Variants in ASTN2 observed in about 807,000 individuals in gnomAD.
ASTN2 encodes the protein astrotactin-2.
A neutral mutation model predicts 139.8 loss-of-function variants in ASTN2; 54 were observed. That is an observed-to-expected ratio of 0.39 (90% CI 0.31 to 0.48). The LOEUF is 0.48. ASTN2 is among the 20% of genes least tolerant of loss of function. The pLI is 0.95. For missense variants in ASTN2, 1,565 were observed against 1,725.1 expected, an observed-to-expected ratio of 0.91 and a Z score of 1.64; for synonymous variants, 756 against 719.5, an observed-to-expected ratio of 1.05 and a Z score of -0.81.
chr9:116,817,580 GAA>G (rs977352817), intron 12 of ASTN2, among the ~76,000 whole-genome samples: 10 of 152,146 alleles, frequency 6.6e-5, no homozygotes, highest in African/African-American at 2.4e-4. Flanking sequence ...AATGAAACTG[GAA>G]AAGTCAGACT....
chr9:116,763,496 A>G (rs766578806), intron 13 of ASTN2, among the ~76,000 whole-genome samples: 35 of 152,166 alleles, frequency 2.3e-4, no homozygotes, highest in Non-Finnish European at 3.8e-4. Context: ...GGCCAAACCC[A>G]TCACTCAGAC....
chr9:117,122,778 A>G (rs774286314), intron 4 of ASTN2, among the ~76,000 whole-genome samples: 17 of 152,188 alleles, frequency 1.1e-4, no homozygotes, highest in Non-Finnish European at 2.2e-4. Flanking sequence ...AGGCAAACAG[A>G]GACACTGTGG....
At chr9:117,391,825 T>C (rs1159486848) in intron 1 of ASTN2, among the ~76,000 whole-genome samples, 1 of 152,136 alleles carries the variant, frequency 6.6e-6, no homozygotes, top group African/African-American at 2.4e-5. Context: ...AGTTACTTCC[T>C]AGATACAATA....
intron 1 of ASTN2, among the ~76,000 whole-genome samples, chr9:117,412,334 A>G (rs1285577950): frequency 6.6e-6 from 1 of 152,102 alleles, no homozygotes; most frequent in Admixed American, 6.5e-5. Context: ...GAGGGTCCCA[A>G]GCTGCCAGGC....
intron 20 of ASTN2, among the ~76,000 whole-genome samples, chr9:116,451,266 A>G (rs1848163927): frequency 6.6e-6 from 1 of 152,228 alleles, no homozygotes; most frequent in Non-Finnish European, 1.5e-5. Context: ...AGAACTCAGA[A>G]ATAATTATAG....
intron 10 of ASTN2, among the ~76,000 whole-genome samples, chr9:116,916,021 G>A (rs543034436): frequency 6.6e-6 from 1 of 152,318 alleles, no homozygotes; most frequent in African/African-American, 2.4e-5. Context: ...CCCACATGGA[G>A]TTTTTGTCAG....
At chr9:116,443,606 G>A (rs1028442665) in intron 20 of ASTN2, among the ~76,000 whole-genome samples, 10 of 152,058 alleles carry the variant, frequency 6.6e-5, no homozygotes, top group Non-Finnish European at 1.2e-4. Flanking sequence ...GAAGCTCTGT[G>A]ACCCTTGTAT....
chr9:117,218,396 G>A lies in ASTN2; in HGVS notation c.631-3654C>T, dbSNP rs149180319. Among the ~76,000 whole-genome samples, 385 of 152,276 alleles carry A rather than the reference G, an allele frequency of 2.5e-3. 2 individuals are homozygous for A. The highest frequency in any genetic ancestry group is 8.5e-3 in the African/African-American group (354 of 41,550). The stretch of plus-strand genomic sequence containing the variant: ...CTGAGTCACTGACCACGTGGTTTCC[G>A]TTACAGATTCAAGTTTTATTGCAAG... On this transcript the variant is annotated intron_variant, in intron 2 of 22. Coordinates refer to ENST00000313400, the MANE Select transcript of ASTN2 (RefSeq NM_001365068.1).
At chr9:116,910,852 A>G (rs182815490) in intron 10 of ASTN2, among the ~76,000 whole-genome samples, 79 of 152,326 alleles carry the variant, frequency 5.2e-4, no homozygotes, top group African/African-American at 1.8e-3. Context: ...TGAAATAGTC[A>G]TTCTGCAAAG....
chr9:116,737,414 C>G (rs2132132131), intron 13 of ASTN2, among the ~76,000 whole-genome samples: 1 of 152,180 alleles, frequency 6.6e-6, no homozygotes, highest in Non-Finnish European at 1.5e-5. Flanking sequence ...CTGGCTTAAA[C>G]TCGGGTGCTC....
intron 3 of ASTN2, among the ~76,000 whole-genome samples, chr9:117,160,931 T>C (rs1008698832): frequency 6.6e-6 from 1 of 151,684 alleles, no homozygotes; most frequent in African/African-American, 2.4e-5. Context: ...TAATGGAAAT[T>C]ATAAAGTACA....
chr9:116,509,593 C>T lies in ASTN2; in HGVS notation c.3356-22093G>A, dbSNP rs993332089. ...ACTGAGGAATCACCACACTGTCTTC[C>T]ACAATGGTTCAACTAGTTTACTCTC... On this transcript the variant is annotated intron_variant, in intron 19 of 22. Transcript: ENST00000313400. 8.5e-5 allele frequency among the ~76,000 whole-genome samples: 13 copies of T among 152,184 alleles called. 1 individual carries two copies.
intron 10 of ASTN2, among the ~76,000 whole-genome samples, chr9:116,898,798 T>C (rs1218833995): frequency 6.6e-6 from 1 of 152,212 alleles, no homozygotes; most frequent in Non-Finnish European, 1.5e-5. Flanking sequence ...GCCACCCAAG[T>C]AGTGAGACTA....
rs575411891 is a variant in ASTN2 at position 116,627,437 on chromosome 9, A to G, written c.3073-6994T>C. Among the ~76,000 whole-genome samples, 305 of 152,324 alleles carry G rather than the reference A, an allele frequency of 2.0e-3. 1 individual carries two copies. Among genetic ancestry groups the G allele is most frequent in the Middle Eastern group, 3.4e-3 (1 of 294 alleles). On this transcript the variant is annotated intron_variant, in intron 17 of 22. Coordinates refer to ENST00000313400, the MANE Select transcript of ASTN2 (RefSeq NM_001365068.1). ...ACAGACTAGGAGGCCCAAAGAAGAGAAACATTCACTACACCAAGTTGCCTG... is the reference window on the plus strand; with the variant it reads ...ACAGACTAGGAGGCCCAAAGAAGAGGAACATTCACTACACCAAGTTGCCTG...
chr9:116,807,794 A>G (rs1360164753), intron 12 of ASTN2, among the ~76,000 whole-genome samples: 1 of 152,170 alleles, frequency 6.6e-6, no homozygotes, highest in East Asian at 1.9e-4. Flanking sequence ...GAATAAATAT[A>G]TTATTGTTGA....
In ASTN2 at chr9:117,374,542, T is replaced by C. The variant is rs568283328; in HGVS notation, c.442+39955A>G. Among the ~76,000 whole-genome samples the C allele has an allele frequency of 5.3e-5, 8 of 152,286 alleles. No individual in the cohort carries two copies. In the South Asian group the frequency reaches 1.7e-3, roughly 32 times the overall value. On this transcript the variant is annotated intron_variant, in intron 1 of 22. Transcript: ENST00000313400. ...TTCAAATGGACTGGGAGAGGCTGCA[T>C]AGCTGCAAGGCTTGAAAATTAACTC...
chr9:116,724,571 G>T (rs557187502), intron 16 of ASTN2, among the ~76,000 whole-genome samples: 5 of 152,334 alleles, frequency 3.3e-5, no homozygotes, highest in African/African-American at 1.2e-4. Context: ...GCCAAGCAAA[G>T]CTGCGTGAAA....
rs1345772112 is a variant in ASTN2 at position 116,681,200 on chromosome 9, A to G, written c.2807-29407T>C. ...GTCTCAGGATACAAAATCAATGTAC[A>G]AAAATCACAAGCATTCTTATATACC... On this transcript the variant is annotated intron_variant, in intron 16 of 22. Transcript: ENST00000313400. 2.6e-5 allele frequency among the ~76,000 whole-genome samples: 4 copies of G among 152,230 alleles called. No homozygotes were observed. The East Asian group carries it at 7.7e-4, about 29-fold the overall frequency.
At chr9:116,782,258 G>A (rs1830239219) in intron 13 of ASTN2, among the ~76,000 whole-genome samples, 1 of 152,136 alleles carries the variant, frequency 6.6e-6, no homozygotes, top group Non-Finnish European at 1.5e-5. Context: ...GAAGAATGAA[G>A]CGACAGATTT....
Sources: gnomAD v4.1 joint callset for allele counts (sites outside exome capture counted in the v4.1 genomes callset) on GRCh38, gnomAD v4.1.1 for gene constraint, MANE v1.5 for transcripts, NCBI Gene and HGNC (gene_info 2026-07-23, HGNC 2026-07-21) for gene names.